The following DYNC1I1 variants were observed in gnomAD, a reference collection of about 807,000 sequenced individuals.
DYNC1I1 encodes cytoplasmic dynein 1 intermediate chain 1.
DYNC1I1 carries 43 observed loss-of-function variants against 86.6 expected under a neutral mutation model. The ratio of observed to expected loss-of-function variants is 0.50; its 90% CI spans 0.39 to 0.64. DYNC1I1 has a LOEUF of 0.64. Ranked by LOEUF, DYNC1I1 falls within the 30% of genes least tolerant of loss-of-function variation. The probability of loss-of-function intolerance (pLI) is 0.00; values close to 1 mark genes in which losing one functional copy is unlikely to be tolerated. For missense variants in DYNC1I1, 604 were observed against 788.8 expected, an observed-to-expected ratio of 0.77 and a Z score of 2.81; for synonymous variants, 262 against 283.7, an observed-to-expected ratio of 0.92 and a Z score of 0.77.
At position 95,813,275 on chromosome 7, in the gene DYNC1I1, A is replaced by T; in HGVS notation, c.252A>T (p.Lys84Asn). ...CAACCCCTATGTCTCCCTCCTCGAA[A>T]TCAGTGAGCACTCCCAGTGAAGCTG... Reference protein sequence around the residue: ...LVPTPMSPSSKSVSTPSEAGS... With the variant: ...LVPTPMSPSSNSVSTPSEAGS... Residue 84 changes from lysine (K) to asparagine (N), a missense_variant, in exon 4 of 17, where the codon AAA becomes AAT. Coordinates refer to ENST00000447467, the MANE Select transcript of DYNC1I1 (RefSeq NM_001135556.2). The T allele has an allele frequency of 6.2e-7, 1 of 1,612,844 alleles. No homozygotes were observed. Among genetic ancestry groups the T allele is most frequent in the Admixed American group, 1.7e-5 (1 of 59,802 alleles).
intron 16 of DYNC1I1, among the ~76,000 whole-genome samples, chr7:96,085,626 C>T (rs1186939064): frequency 6.6e-6 from 1 of 152,130 alleles, no homozygotes; most frequent in Non-Finnish European, 1.5e-5. Context: ...GGAAGTTATG[C>T]GAATCTGAAT....
At chr7:95,913,532 G>C (rs1386772087) in intron 6 of DYNC1I1, among the ~76,000 whole-genome samples, 1 of 152,180 alleles carries the variant, frequency 6.6e-6, no homozygotes, top group African/African-American at 2.4e-5. Context: ...ATAAAGGGCA[G>C]TTCCCCTGTA....
chr7:95,897,086 T>C (rs1790900670), intron 6 of DYNC1I1, among the ~76,000 whole-genome samples: 1 of 152,184 alleles, frequency 6.6e-6, no homozygotes, highest in African/African-American at 2.4e-5. Flanking sequence ...CCAGGGCCTA[T>C]GGAATTTTAG....
chr7:95,956,380 C>CTTTTTTTTTTT (rs57664357), intron 6 of DYNC1I1, among the ~76,000 whole-genome samples: 1 of 140,080 alleles, frequency 7.1e-6, no homozygotes. Context: ...CTTTTTTTCT[C>CTTTTTTTTTTT]TTTTTTTTTT....
At chr7:96,056,545 C>T (rs1584284603) in intron 14 of DYNC1I1, among the ~76,000 whole-genome samples, 1 of 152,236 alleles carries the variant, frequency 6.6e-6, no homozygotes, top group Non-Finnish European at 1.5e-5. Context: ...ATTCTTCCTA[C>T]ATAATCCTTT....
At chr7:95,847,099 C>G (rs535993677) in intron 5 of DYNC1I1, among the ~76,000 whole-genome samples, 4 of 152,316 alleles carry the variant, frequency 2.6e-5, no homozygotes, top group Admixed American at 2.6e-4. Context: ...TCCAGTTACA[C>G]CAGTCACTTT....
intron 6 of DYNC1I1, among the ~76,000 whole-genome samples, chr7:95,947,104 T>G (rs11981071): frequency 0.043 from 6,618 of 152,276 alleles, 382 homozygotes; most frequent in African/African-American, 0.14. Flanking sequence ...CTAGCTTCTC[T>G]GAGTTGCAAT....
chr7:95,787,437 A>G (rs1339146147), intron 1 of DYNC1I1, among the ~76,000 whole-genome samples: 1 of 152,192 alleles, frequency 6.6e-6, no homozygotes, highest in Admixed American at 6.5e-5. Flanking sequence ...GTGTGGCAAT[A>G]ATATGGCAAT....
chr7:95,981,659 G>A (rs1793462131), intron 7 of DYNC1I1, among the ~76,000 whole-genome samples: 1 of 151,992 alleles, frequency 6.6e-6, no homozygotes, highest in Non-Finnish European at 1.5e-5. Flanking sequence ...CTCTTTAAAT[G>A]CACAAAGTAT....
At chr7:96,107,564 C>T (rs1791235935) in intron 16 of DYNC1I1, among the ~76,000 whole-genome samples, 1 of 147,646 alleles carries the variant, frequency 6.8e-6, no homozygotes, top group South Asian at 2.1e-4. Flanking sequence ...TAGAGTCTTG[C>T]TCTATTGCCC....
intron 5 of DYNC1I1, among the ~76,000 whole-genome samples, chr7:95,846,623 C>CTGTGTG (rs1314616292): frequency 0.037 from 4,444 of 120,686 alleles, 119 homozygotes; most frequent in East Asian, 0.089. Context: ...ATAAATCTCT[C>CTGTGTG]TCTCTGTGTG....
intron 10 of DYNC1I1, among the ~76,000 whole-genome samples, chr7:96,010,018 A>G (rs1794236297): frequency 6.6e-6 from 1 of 152,104 alleles, no homozygotes; most frequent in Non-Finnish European, 1.5e-5. Flanking sequence ...ACCTCAGGTG[A>G]TCCACCCGTC....
chr7:95,970,269 A>G (rs1047460487), intron 6 of DYNC1I1, among the ~76,000 whole-genome samples: 3 of 152,300 alleles, frequency 2.0e-5, no homozygotes, highest in Non-Finnish European at 2.9e-5. Flanking sequence ...TGCTTGGACT[A>G]TGGCTATGGC....
intron 6 of DYNC1I1, among the ~76,000 whole-genome samples, chr7:95,910,161 C>T (rs1791292783): frequency 6.6e-6 from 1 of 152,176 alleles, no homozygotes; most frequent in Non-Finnish European, 1.5e-5. Context: ...ATTCTTCTTT[C>T]TCCTTTCATT....
chr7:95,802,064 G>A (rs1411160736), intron 1 of DYNC1I1, among the ~76,000 whole-genome samples: 1 of 151,952 alleles, frequency 6.6e-6, no homozygotes, highest in Admixed American at 6.6e-5. Context: ...CCTTTGTAGG[G>A]GGATGACTCC....
chr7:95,865,020 A>G (rs939045297), intron 5 of DYNC1I1, among the ~76,000 whole-genome samples: 1 of 152,134 alleles, frequency 6.6e-6, no homozygotes, highest in Non-Finnish European at 1.5e-5. Flanking sequence ...ACAGATTGCC[A>G]GACCCCAACC....
chr7:95,821,264 T>C (rs1311639163), intron 4 of DYNC1I1, among the ~76,000 whole-genome samples: 1 of 152,188 alleles, frequency 6.6e-6, no homozygotes, highest in Non-Finnish European at 1.5e-5. Context: ...AGCAAGTAAA[T>C]TGACACATTT....
intron 15 of DYNC1I1, among the ~76,000 whole-genome samples, chr7:96,077,379 T>C (rs983903796): frequency 1.3e-5 from 2 of 152,120 alleles, no homozygotes; most frequent in Non-Finnish European, 1.5e-5. Context: ...CTTTTAAAAA[T>C]CTTTCAATTT....
intron 14 of DYNC1I1, among the ~76,000 whole-genome samples, chr7:96,052,184 T>C (rs1265270845): frequency 6.6e-6 from 1 of 152,144 alleles, no homozygotes; most frequent in Admixed American, 6.6e-5. Context: ...AAGCATACTA[T>C]AGCAAATATT....
Sources: allele counts gnomAD v4.1 joint callset (sites outside exome capture counted in the v4.1 genomes callset), GRCh38; gene constraint gnomAD v4.1.1; transcripts MANE v1.5; gene names NCBI Gene and HGNC (gene_info 2026-07-23, HGNC 2026-07-21).